LPP: variants seen among roughly 807,000 people sequenced by gnomAD.
LPP encodes LIM domain containing preferred translocation partner in lipoma.
In LPP, 38 loss-of-function variants were observed where a neutral mutation model predicts 60.4. The observed-to-expected ratio is 0.63, with a 90% CI of 0.49 to 0.83. The LOEUF (loss-of-function observed/expected upper bound fraction) is 0.83, where lower values mean the gene tolerates loss of function less well. Among genes scored for constraint, LPP ranks in the 40% least tolerant of loss-of-function variants. LPP has a pLI of 0.00. For missense variants in LPP, 902 were observed against 783.6 expected, an observed-to-expected ratio of 1.15 and a Z score of -1.80; for synonymous variants, 328 against 290.8, an observed-to-expected ratio of 1.13 and a Z score of -1.30.
chr3:188,869,482 G>C (rs1767515469), intron 10 of LPP, among the ~76,000 whole-genome samples: 1 of 152,108 alleles, frequency 6.6e-6, no homozygotes, highest in Non-Finnish European at 1.5e-5. Context: ...GTACAGACAA[G>C]GTTTCACCAT....
At position 188,258,626 on chromosome 3, in the gene LPP, C is replaced by T. The variant is rs576346232; in HGVS notation, c.-67+33099C>T. 4.6e-5 allele frequency among the ~76,000 whole-genome samples: 7 copies of T among 152,286 alleles called. No individual in the cohort carries two copies. The South Asian group carries it at 1.2e-3, about 27-fold the overall frequency. Reference sequence around the variant, plus strand: ...CTTTTTGTTTGTAAGCATGTCAGCCCTCACCTTCCAGAGATCTTGATTTGA... The same window carrying T: ...CTTTTTGTTTGTAAGCATGTCAGCCTTCACCTTCCAGAGATCTTGATTTGA... On this transcript the variant is annotated intron_variant, in intron 2 of 11. Transcript: ENST00000617246.
chr3:188,863,163 T>C (rs547821023), intron 9 of LPP, among the ~76,000 whole-genome samples: 2 of 152,310 alleles, frequency 1.3e-5, no homozygotes, highest in South Asian at 4.1e-4. Flanking sequence ...AACATGTATC[T>C]TTTTCTATTG....
At chr3:188,470,311 C>T (rs937935473) in intron 4 of LPP, among the ~76,000 whole-genome samples, 1 of 147,590 alleles carries the variant, frequency 6.8e-6, no homozygotes, top group Non-Finnish European at 1.5e-5. Flanking sequence ...CACACACACA[C>T]ACACACACGC....
intron 6 of LPP, among the ~76,000 whole-genome samples, chr3:188,527,922 G>C (rs1230089384): frequency 6.6e-6 from 1 of 152,066 alleles, no homozygotes; most frequent in Non-Finnish European, 1.5e-5. Flanking sequence ...TAAATTTGGG[G>C]TAATGACTTT....
chr3:188,806,310 C>T (rs992911844), intron 9 of LPP, among the ~76,000 whole-genome samples: 3 of 151,722 alleles, frequency 2.0e-5, no homozygotes, highest in African/African-American at 7.2e-5. Flanking sequence ...TATTCAATTC[C>T]TTCCTTATTA....
intron 6 of LPP, among the ~76,000 whole-genome samples, chr3:188,602,688 TA>T (rs1841614797): frequency 6.7e-6 from 1 of 148,898 alleles, no homozygotes; most frequent in Non-Finnish European, 1.5e-5. Flanking sequence ...TCCTGAGTGA[TA>T]TAGAAATATT....
chr3:188,802,042 G>T (rs1747429330), intron 9 of LPP, among the ~76,000 whole-genome samples: 1 of 151,898 alleles, frequency 6.6e-6, no homozygotes, highest in Admixed American at 6.6e-5. Context: ...TGAAAGTCTT[G>T]ATTTTTCCCA....
intron 1 of LPP, among the ~76,000 whole-genome samples, chr3:188,204,177 G>A (rs533010019): frequency 2.6e-5 from 4 of 152,266 alleles, no homozygotes; most frequent in South Asian, 2.1e-4. Context: ...GAAAGCATGA[G>A]CCAAGTTTTG....
intron 6 of LPP, among the ~76,000 whole-genome samples, chr3:188,574,588 G>C (rs146638408): frequency 1.2e-4 from 18 of 152,120 alleles, no homozygotes; most frequent in Non-Finnish European, 2.5e-4. Flanking sequence ...TTTTTTGTGT[G>C]TGCATGTTCT....
chr3:188,436,223 C>G lies in LPP; in HGVS notation c.193+29910C>G, dbSNP rs562057095. 1.3e-4 allele frequency among the ~76,000 whole-genome samples: 20 copies of G among 152,212 alleles called. No homozygotes were observed. In the South Asian group the frequency reaches 4.1e-3, roughly 32 times the overall value. On this transcript the variant is annotated intron_variant, in intron 4 of 11. Transcript: ENST00000617246. The stretch of plus-strand genomic sequence containing the variant: ...GACTATAGTGTTGTGATACCAATAC[C>G]AGAATAACAGGGCTCCTGACTTCTG...
At chr3:188,273,300 G>A (rs999545489) in intron 2 of LPP, among the ~76,000 whole-genome samples, 2 of 152,148 alleles carry the variant, frequency 1.3e-5, no homozygotes, top group Admixed American at 1.3e-4. Flanking sequence ...GCACCACGAT[G>A]GAAAACAGAA....
At chr3:188,763,766 T>G (rs1401109921) in intron 9 of LPP, among the ~76,000 whole-genome samples, 4 of 152,162 alleles carry the variant, frequency 2.6e-5, no homozygotes, top group Non-Finnish European at 5.9e-5. Flanking sequence ...TTTTGCAATC[T>G]TTTAGAATTG....
chr3:188,594,997 C>G (rs1340339476), intron 6 of LPP, among the ~76,000 whole-genome samples: 1 of 151,936 alleles, frequency 6.6e-6, no homozygotes, highest in Non-Finnish European at 1.5e-5. Flanking sequence ...CTCTACAGTT[C>G]CTGATATTTA....
intron 6 of LPP, among the ~76,000 whole-genome samples, chr3:188,582,362 T>C (rs967624408): frequency 2.0e-5 from 3 of 151,652 alleles, no homozygotes; most frequent in Admixed American, 6.6e-5. Context: ...TTTCTTTTTA[T>C]TAGAGATGGG....
rs1258309534 is a variant in LPP, at chr3:188,687,498, C to T, written c.1114-20769C>T. ...ATCTGAGATTTTTAAGGCAGTTTTC[C>T]TTGCTCTTGCTCGCTTCTCCCTCTG... On this transcript the variant is annotated intron_variant, in intron 7 of 11. Coordinates refer to ENST00000617246, the MANE Select transcript of LPP (RefSeq NM_001375462.1). Among the ~76,000 whole-genome samples, 3 of 152,078 alleles carry T rather than the reference C, an allele frequency of 2.0e-5. No individual in the cohort carries two copies. The East Asian group carries it at 5.8e-4, about 29-fold the overall frequency.
At chr3:188,769,720 G>A (rs73888891) in intron 9 of LPP, among the ~76,000 whole-genome samples, 2,069 of 152,270 alleles carry the variant, frequency 0.014, 36 homozygotes, top group African/African-American at 0.046. Flanking sequence ...GGCCTTCAAA[G>A]AACTACTTTC....
chr3:188,362,606 C>T (rs987408316), intron 3 of LPP, among the ~76,000 whole-genome samples: 2 of 152,102 alleles, frequency 1.3e-5, no homozygotes, highest in South Asian at 2.1e-4. Flanking sequence ...GTGATTAGAT[C>T]GACGTGTTTA....
At chr3:188,473,873 C>T (rs945774438) in intron 4 of LPP, among the ~76,000 whole-genome samples, 4 of 152,118 alleles carry the variant, frequency 2.6e-5, no homozygotes, top group African/African-American at 9.7e-5. Flanking sequence ...GGCTAGGGTG[C>T]CCCCATAACC....
chr3:188,736,529 A>G (rs928995157), intron 8 of LPP, among the ~76,000 whole-genome samples: 1 of 152,108 alleles, frequency 6.6e-6, no homozygotes, highest in Non-Finnish European at 1.5e-5. Context: ...AAAAGAAACT[A>G]CTGTCATTTG....
Sources: gnomAD v4.1 joint callset for allele counts (sites outside exome capture counted in the v4.1 genomes callset) on GRCh38, gnomAD v4.1.1 for gene constraint, MANE v1.5 for transcripts, NCBI Gene and HGNC (gene_info 2026-07-23, HGNC 2026-07-21) for gene names.